The following PTPRR variants were observed in gnomAD, a reference collection of about 807,000 sequenced individuals.
The protein encoded by PTPRR is receptor-type tyrosine-protein phosphatase R.
Under a neutral mutation model 77.2 loss-of-function variants are expected in PTPRR, and 38 were observed. The observed-to-expected ratio is 0.49, with a 90% confidence interval of 0.38 to 0.65. The LOEUF (loss-of-function observed/expected upper bound fraction) is 0.65. PTPRR is among the 30% of genes least tolerant of loss of function. PTPRR has a pLI of 0.00. For missense variants in PTPRR, 744 were observed against 799.2 expected (o/e 0.93, Z 0.83); for synonymous variants, 299 against 283.1 (o/e 1.06, Z -0.57).
At chr12:70,684,057 T>G in intron 10 of PTPRR, 70 bp downstream of exon 10, 1 of 1,513,124 alleles carries the variant, frequency 6.6e-7, no homozygotes, top group Admixed American at 1.9e-5. Flanking sequence ...CATGGCAATT[T>G]TACTAACACA....
At chr12:70,667,379 G>A (rs543263794) in intron 10 of PTPRR, among the ~76,000 whole-genome samples, 57 of 152,300 alleles carry the variant, frequency 3.7e-4, no homozygotes, top group African/African-American at 1.4e-3. Context: ...ATATATGCAT[G>A]CCTGGAAGGA....
At chr12:70,732,635 A>G (rs1310295003) in intron 6 of PTPRR, among the ~76,000 whole-genome samples, 1 of 152,132 alleles carries the variant, frequency 6.6e-6, no homozygotes, top group Non-Finnish European at 1.5e-5. Context: ...ATCTCAGCTC[A>G]TTGCGACCTC....
Position 70,656,813 on chromosome 12 carries a change from C to T in PTPRR, c.1771G>A (p.Gly591Arg). 6.2e-7 allele frequency: 1 copy of T among 1,600,958 alleles called. No homozygotes were observed. The highest frequency in any genetic ancestry group is 1.3e-5 in the African/African-American group (1 of 74,668). Residue 591 changes from glycine (G) to arginine (R), a missense_variant, in exon 13 of 14, where the codon GGA becomes AGA. Coordinates refer to ENST00000283228, the MANE Select transcript of PTPRR (RefSeq NM_002849.4). ...RGPVVVHCSA[G>R]IGRTGCFIAT... ...ATAAAACACCCTGTTCTACCTATTCCTGCACTGAAAAGAAAAGAAAAGAAA... is the reference window on the plus strand; with the variant it reads ...ATAAAACACCCTGTTCTACCTATTCTTGCACTGAAAAGAAAAGAAAAGAAA...
At chr12:70,726,961 G>C (rs1889462781) in intron 6 of PTPRR, among the ~76,000 whole-genome samples, 1 of 151,788 alleles carries the variant, frequency 6.6e-6, no homozygotes, top group Non-Finnish European at 1.5e-5. Context: ...ATTTACGCAG[G>C]GGATGGCTAG....
rs1592623288 is a variant in PTPRR, at chr12:70,639,331, A to T, written c.1881-54T>A. On this transcript the variant is annotated intron_variant, in intron 13 of 13. Transcript: ENST00000283228. ...ATTTTGCTAAAATCTTGCAATTTCA[A>T]GTAACACAGAGATTTCATCCAAGCT... The T allele has an allele frequency of 3.1e-5, 48 of 1,571,070 alleles. No individual in the cohort carries two copies. In the East Asian group the frequency reaches 1.1e-3, roughly 34 times the overall value.
chr12:70,667,570 T>C (rs1230757717), intron 10 of PTPRR, among the ~76,000 whole-genome samples: 2 of 152,132 alleles, frequency 1.3e-5, no homozygotes, highest in African/African-American at 2.4e-5. Flanking sequence ...AGTCAGAGGC[T>C]AGGTGGCCTT....
intron 2 of PTPRR, among the ~76,000 whole-genome samples, chr12:70,833,206 G>T (rs1169515576): frequency 1.3e-5 from 2 of 152,102 alleles, no homozygotes; most frequent in African/African-American, 2.4e-5. Context: ...GAGATAAGTA[G>T]CAGGAAAAGA....
At chr12:70,664,807 A>G (rs1886923226) in intron 10 of PTPRR, 1 of 152,190 alleles carries the variant, frequency 6.6e-6, no homozygotes, top group Admixed American at 6.5e-5. Context: ...TTAGCATCCC[A>G]TCTCCTTTCT....
chr12:70,832,061 T>C (rs1233015362), intron 2 of PTPRR, among the ~76,000 whole-genome samples: 1 of 152,238 alleles, frequency 6.6e-6, no homozygotes, highest in Admixed American at 6.5e-5. Context: ...ATGTCTAGAA[T>C]AGGTAAGAAT....
In PTPRR at chr12:70,905,651, TTTAG is replaced by T. The variant is rs1893610308; in HGVS notation, c.59-12678_59-12675del. ...AAGAGAAATGAATGAAATTACAATG[TTTAG>T]TTAGAGTACATTATGATTCATTATT... On this transcript the variant is annotated intron_variant, in intron 1 of 13. Coordinates refer to ENST00000283228, the MANE Select transcript of PTPRR (RefSeq NM_002849.4). 3.3e-5 allele frequency among the ~76,000 whole-genome samples: 5 copies of T among 152,022 alleles called. No homozygotes were observed. In the South Asian group the frequency reaches 1.0e-3, roughly 31 times the overall value.
intron 2 of PTPRR, among the ~76,000 whole-genome samples, chr12:70,870,108 C>T (rs531386377): frequency 6.6e-6 from 1 of 152,222 alleles, no homozygotes; most frequent in East Asian, 1.9e-4. Context: ...TATTAGAAGG[C>T]CCTCAGCCTT....
At chr12:70,659,306 G>T (rs1161444040) in intron 12 of PTPRR, among the ~76,000 whole-genome samples, 4 of 152,142 alleles carry the variant, frequency 2.6e-5, no homozygotes, top group Non-Finnish European at 5.9e-5. Flanking sequence ...GTATGTGTGT[G>T]CATTTTACCA....
At chr12:70,647,928 TAAAC>T (rs1371517969) in intron 13 of PTPRR, among the ~76,000 whole-genome samples, 1 of 152,192 alleles carries the variant, frequency 6.6e-6, no homozygotes, top group Non-Finnish European at 1.5e-5. Context: ...TAATCAGAGA[TAAAC>T]AATTTTTCCT....
At chr12:70,644,903 CCTT>C in intron 13 of PTPRR, among the ~76,000 whole-genome samples, 1 of 152,236 alleles carries the variant, frequency 6.6e-6, no homozygotes, top group East Asian at 1.9e-4. Context: ...AGGTTTGAAT[CCTT>C]GTTTTTTTAA....
intron 2 of PTPRR, among the ~76,000 whole-genome samples, chr12:70,889,264 A>G (rs1207376006): frequency 6.6e-6 from 1 of 152,204 alleles, no homozygotes; most frequent in Non-Finnish European, 1.5e-5. Context: ...TCCAACAGTT[A>G]TTTATCCACA....
chr12:70,638,282 C>T lies in PTPRR; in HGVS notation c.*902G>A, dbSNP rs1885834126. On this transcript the variant is annotated 3_prime_UTR_variant, in exon 14 of 14. Transcript: ENST00000283228. ...GCCTCGAAAATGGGACAGATTATAT[C>T]ATTCCTGAAGGCATATACCTTTTGT... The T allele has an allele frequency of 6.6e-6, 1 of 152,442 alleles. No individual in the cohort carries two copies. The highest frequency in any genetic ancestry group is 2.1e-4 in the South Asian group (1 of 4,828). 9.4% of individuals were successfully genotyped at this position (152,442 alleles called of 1,614,324 possible).
At chr12:70,690,004 G>A (rs1480672652) in intron 8 of PTPRR, among the ~76,000 whole-genome samples, 8 of 152,158 alleles carry the variant, frequency 5.3e-5, no homozygotes, top group Non-Finnish European at 1.5e-5. Context: ...GAAGTGATGC[G>A]CGTGACTTTT....
intron 2 of PTPRR, among the ~76,000 whole-genome samples, chr12:70,881,071 T>G (rs1893141908): frequency 6.6e-6 from 1 of 152,166 alleles, no homozygotes; most frequent in South Asian, 2.1e-4. Context: ...TCAAGTAGAT[T>G]TTGCTATACG....
intron 1 of PTPRR, among the ~76,000 whole-genome samples, chr12:70,908,492 G>C (rs921285047): frequency 6.6e-6 from 1 of 152,106 alleles, no homozygotes; most frequent in Non-Finnish European, 1.5e-5. Flanking sequence ...CCAGAGAAGG[G>C]GGGAAGTCCC....
Sources: gnomAD v4.1 joint callset for allele counts (sites outside exome capture counted in the v4.1 genomes callset) on GRCh38, gnomAD v4.1.1 for gene constraint, MANE v1.5 for transcripts, NCBI Gene and HGNC (gene_info 2026-07-23, HGNC 2026-07-21) for gene names.